Variants in SLC12A6 observed in about 807,000 individuals in gnomAD.
SLC12A6 encodes the protein solute carrier family 12 member 6.
In SLC12A6, 66 loss-of-function variants were observed where a neutral mutation model predicts 135.3. The ratio of observed to expected loss-of-function variants is 0.49; its 90% CI spans 0.40 to 0.60. The LOEUF (loss-of-function observed/expected upper bound fraction) is 0.60. SLC12A6 is among the 20% of genes least tolerant of loss of function. SLC12A6 has a pLI of 0.00. For missense variants in SLC12A6, 1,058 were observed against 1,452.3 expected (o/e 0.73, Z 4.41); for synonymous variants, 513 against 508.8 (o/e 1.01, Z -0.11).
In SLC12A6 at chr15:34,242,187, C is replaced by T. The variant is rs1197160593; in HGVS notation, c.2077G>A (p.Ala693Thr). ...TACCAGGAAGAAATGAACATCAGAG[C>T]CAGACAGATACTCATTCCCATGAAA... ...LSFMGMSICL[A>T]LMFISSWYYA... is the part of the protein sequence containing the mutation. Residue 693 changes from alanine to threonine, a missense_variant, in exon 17 of 26, where the codon GCT becomes ACT. Physicochemically the swap from Ala to Thr is moderately conservative, Grantham distance 58 (BLOSUM62 0). Coordinates refer to ENST00000354181, the MANE Select transcript of SLC12A6 (RefSeq NM_001365088.1). 6.3e-7 allele frequency: 1 copy of T among 1,596,782 alleles called. No individual in the cohort carries two copies. The highest frequency in any genetic ancestry group is 1.3e-5 in the African/African-American group (1 of 74,542).
intron 13 of SLC12A6, among the ~76,000 whole-genome samples, chr15:34,248,637 TCAA>T (rs1279458398): frequency 1.4e-4 from 22 of 152,066 alleles, no homozygotes; most frequent in African/African-American, 5.3e-4. Flanking sequence ...TTTATTTTTG[TCAA>T]CAATATTTAT....
In SLC12A6 at chr15:34,242,141, AC is replaced by A; in HGVS notation, c.2122del (p.Val708Ter). On this transcript the variant is annotated frameshift_variant, in exon 17 of 26. Transcript: ENST00000354181. LOFTEE classifies it high-confidence loss of function. ...GTACTTGTAGATCATACCAGCTATT[AC>A]CATGGCTACAATGGCATAATACCAG... The part of the protein sequence containing the change: ...SSWYYAIVAM[V>X]IAGMIYKYIE... The A allele has an allele frequency of 1.3e-6, 2 of 1,589,664 alleles. No individual in the cohort carries two copies. Among genetic ancestry groups the A allele is most frequent in the Non-Finnish European group, 1.7e-6 (2 of 1,157,864 alleles).
Position 34,336,597 on chromosome 15 carries a change from C to G in SLC12A6, c.84G>C (p.Leu28Phe). 6.2e-7 allele frequency: 1 copy of G among 1,613,906 alleles called. No individual in the cohort carries two copies. Among genetic ancestry groups the G allele is most frequent in the South Asian group, 1.1e-5 (1 of 91,074 alleles). The change falls in exon 2 of 26, where the codon TTG (leucine) becomes TTC (phenylalanine). Residue 28 changes from leucine to phenylalanine, a missense_variant. Around this residue, in one of 6 missense-constraint regions of SLC12A6, gnomAD observed 176 missense variants for 168.9 expected, o/e 1.04. Transcript: ENST00000354181. ...AGCTGAGGTCCGGACTGGTGTCTGA[C>G]AAACCTGGAATGTCATCGATCTTTG... ...TPTKIDDIPG[L>F]SDTSPDLSSR...
At position 34,247,984 on chromosome 15, in the gene SLC12A6, C is replaced by T. The variant is rs533137300; in HGVS notation, c.1650-2117G>A. Among the ~76,000 whole-genome samples the T allele has an allele frequency of 4.6e-5, 7 of 152,292 alleles. No homozygotes were observed. In the South Asian group the frequency reaches 1.5e-3, roughly 32 times the overall value. Reference sequence around the variant, plus strand: ...CCTCCCAAAGTGCTGGGATTACAGGCATGAGCCACCATACCCAGCCCTCTG... The same window carrying T: ...CCTCCCAAAGTGCTGGGATTACAGGTATGAGCCACCATACCCAGCCCTCTG... On this transcript the variant is annotated intron_variant, in intron 13 of 25. Coordinates refer to ENST00000354181, the MANE Select transcript of SLC12A6 (RefSeq NM_001365088.1).
At chr15:34,286,360 G>A (rs1272503626) in intron 2 of SLC12A6, among the ~76,000 whole-genome samples, 1 of 151,882 alleles carries the variant, frequency 6.6e-6, no homozygotes, top group Admixed American at 6.6e-5. Context: ...ACAGGCGTGA[G>A]CCACCATGCC....
At chr15:34,323,735 G>A (rs1383677309) in intron 2 of SLC12A6, among the ~76,000 whole-genome samples, 1 of 152,112 alleles carries the variant, frequency 6.6e-6, no homozygotes, top group African/African-American at 2.4e-5. Flanking sequence ...AGGACTGCTT[G>A]AGCTCAGGAG....
At chr15:34,271,377 T>C (rs1893928162) in intron 3 of SLC12A6, among the ~76,000 whole-genome samples, 1 of 149,760 alleles carries the variant, frequency 6.7e-6, no homozygotes, top group South Asian at 2.1e-4. Flanking sequence ...GCCTATACTT[T>C]TTTTTTTTTT....
chr15:34,280,935 A>C (rs1894635065), intron 2 of SLC12A6, among the ~76,000 whole-genome samples: 1 of 152,196 alleles, frequency 6.6e-6, no homozygotes, highest in Admixed American at 6.5e-5. Flanking sequence ...AGGAACAGAA[A>C]GCTAAACACC....
chr15:34,309,174 T>G (rs1887974917), intron 2 of SLC12A6, among the ~76,000 whole-genome samples: 3 of 152,176 alleles, frequency 2.0e-5, no homozygotes, highest in African/African-American at 7.2e-5. Flanking sequence ...TGACATTTTC[T>G]GGGTAAAATT....
At chr15:34,283,281 T>G (rs1215536457) in intron 2 of SLC12A6, among the ~76,000 whole-genome samples, 1 of 152,112 alleles carries the variant, frequency 6.6e-6, no homozygotes, top group Non-Finnish European at 1.5e-5. Context: ...AGGCAGAGGT[T>G]GCAGTGACCG....
chr15:34,268,243 A>G (rs878857501), intron 3 of SLC12A6, among the ~76,000 whole-genome samples: 3 of 152,180 alleles, frequency 2.0e-5, no homozygotes, highest in Admixed American at 2.0e-4. Flanking sequence ...TATTATCATC[A>G]GACAGTCTGG....
chr15:34,334,503 T>C (rs1439207223), intron 2 of SLC12A6, among the ~76,000 whole-genome samples: 1 of 152,196 alleles, frequency 6.6e-6, no homozygotes, highest in Non-Finnish European at 1.5e-5. Context: ...AAGTGGTTTC[T>C]TCTAATGGTG....
At chr15:34,335,237 G>C (rs1447204227) in intron 2 of SLC12A6, among the ~76,000 whole-genome samples, 1 of 152,040 alleles carries the variant, frequency 6.6e-6, no homozygotes, top group Non-Finnish European at 1.5e-5. Context: ...CTCCATAAAA[G>C]AAAAAATGAT....
chr15:34,298,737 T>C (rs1218731915), intron 2 of SLC12A6, among the ~76,000 whole-genome samples: 2 of 152,238 alleles, frequency 1.3e-5, no homozygotes, highest in African/African-American at 4.8e-5. Context: ...TCCAACCTGA[T>C]TCTTCCCCCT....
At chr15:34,336,339 G>T in intron 2 of SLC12A6, 71 bp downstream of exon 2, 1 of 1,187,954 alleles carries the variant, frequency 8.4e-7, no homozygotes, top group Non-Finnish European at 1.3e-6. Context: ...TGATCTTCCA[G>T]ATCCATAGAT....
Position 34,287,424 on chromosome 15 carries a change from T to C in SLC12A6, c.272-12035A>G, listed in dbSNP as rs141404011. 2.4e-3 allele frequency among the ~76,000 whole-genome samples: 371 copies of C among 152,338 alleles called. 1 individual carries two copies. The highest frequency in any genetic ancestry group is 8.5e-3 in the African/African-American group (354 of 41,586). The stretch of plus-strand genomic sequence containing the variant: ...GGTTCCAAGTCTTTCCTATTGTGAA[T>C]AGTGCCGCAATAAACATGCACATGT... On this transcript the variant is annotated intron_variant, in intron 2 of 25. Transcript: ENST00000354181.
chr15:34,269,245 A>G (rs1433554004), intron 3 of SLC12A6, among the ~76,000 whole-genome samples: 1 of 152,206 alleles, frequency 6.6e-6, no homozygotes, highest in Non-Finnish European at 1.5e-5. Flanking sequence ...CATAATTCAA[A>G]TGAAAACTGA....
At chr15:34,319,960 T>C (rs1358536675) in intron 2 of SLC12A6, among the ~76,000 whole-genome samples, 3 of 152,164 alleles carry the variant, frequency 2.0e-5, no homozygotes, top group African/African-American at 7.2e-5. Flanking sequence ...ACATACTTAA[T>C]TCTTGATATA....
At chr15:34,310,962 A>G (rs891837465) in intron 2 of SLC12A6, among the ~76,000 whole-genome samples, 2 of 152,098 alleles carry the variant, frequency 1.3e-5, no homozygotes, top group Non-Finnish European at 2.9e-5. Context: ...GGTAACAATT[A>G]TTTAGTTAAT....
Sources: allele counts gnomAD v4.1 joint callset (sites outside exome capture counted in the v4.1 genomes callset), GRCh38; gene constraint gnomAD v4.1.1; regional missense constraint gnomAD v4.1.1; transcripts MANE v1.5; gene names NCBI Gene and HGNC (gene_info 2026-07-23, HGNC 2026-07-21).